The following DSC2 variants were observed in gnomAD, a reference collection of about 807,000 sequenced individuals.
DSC2 encodes desmocollin 2.
Under a neutral mutation model 87.6 loss-of-function variants are expected in DSC2, and 51 were observed. That is an observed-to-expected ratio of 0.58 (90% CI 0.46 to 0.74). The LOEUF is 0.74. DSC2 is among the 30% of genes least tolerant of loss of function. The pLI is 0.00. For synonymous variants in DSC2, 383 were observed against 393.2 expected, an observed-to-expected ratio of 0.97 and a Z score of 0.31; for missense variants, 1,066 against 1,089.5, an observed-to-expected ratio of 0.98 and a Z score of 0.30.
Position 31,102,226 on chromosome 18 carries a change from T to G in DSC2, c.-255A>C. On this transcript the variant is annotated 5_prime_UTR_variant, in exon 1 of 16. Transcript: ENST00000280904. Reference sequence around the variant, plus strand: ...GACACCGATCGGCCCCTCCTTGTTGTCTATTTAAGACTTAAGACTTCATTT... The same window carrying G: ...GACACCGATCGGCCCCTCCTTGTTGGCTATTTAAGACTTAAGACTTCATTT... 2.3e-6 allele frequency: 1 copy of G among 431,148 alleles called. No individual in the cohort carries two copies. Among genetic ancestry groups the G allele is most frequent in the South Asian group, 5.5e-5 (1 of 18,224 alleles). 26.7% of individuals were successfully genotyped at this position (431,148 alleles called of 1,614,324 possible). A position where few individuals can be genotyped will look rare whatever the true frequency, so the allele number is the denominator to read the frequency against.
At chr18:31,089,365 C>G in intron 5 of DSC2, 74 bp downstream of exon 5, 2 of 1,563,044 alleles carry the variant, frequency 1.3e-6, no homozygotes, top group Non-Finnish European at 1.8e-6. Flanking sequence ...GAAAAGGTTA[C>G]GTGAATTGCA....
At position 31,067,744 on chromosome 18, in the gene DSC2, T is replaced by C. The variant is rs991783794; in HGVS notation, c.*271A>G. 2.5e-6 allele frequency: 1 copy of C among 398,032 alleles called. No individual in the cohort carries two copies. Among genetic ancestry groups the C allele is most frequent in the Non-Finnish European group, 4.6e-6 (1 of 218,422 alleles). 24.7% of individuals were successfully genotyped at this position (398,032 alleles called of 1,614,324 possible). The stretch of plus-strand genomic sequence containing the variant: ...CACTATAAATTGGCTGTTGTCATTA[T>C]ACCCAAATGTAACAAATAAGGCAGA... On this transcript the variant is annotated 3_prime_UTR_variant, in exon 16 of 16. Transcript: ENST00000280904.
In DSC2 at chr18:31,102,093, G is replaced by A; in HGVS notation, c.-122C>T. ...TGCTCAGGAGGAGCGCGAGGCGGAG[G>A]AGGTGGGGCGCGCGGAGAGGTGCTT... On this transcript the variant is annotated 5_prime_UTR_variant, in exon 1 of 16. Transcript: ENST00000280904. The A allele has an allele frequency of 1.2e-6, 1 of 801,710 alleles. No individual in the cohort carries two copies. Among genetic ancestry groups the A allele is most frequent in the Non-Finnish European group, 1.8e-6 (1 of 560,090 alleles). 49.7% of individuals were successfully genotyped at this position (801,710 alleles called of 1,614,324 possible). A position where few individuals can be genotyped will look rare whatever the true frequency, so the allele number is the denominator to read the frequency against.
intron 15 of DSC2, chr18:31,068,480 C>G: frequency 1.0e-6 from 1 of 957,382 alleles, no homozygotes; most frequent in Middle Eastern, 3.3e-4. Context: ...CTTTCCCTTT[C>G]AAAATTTTAG....
chr18:31,070,963 G>T, intron 13 of DSC2, 113 bp from the exon 14 acceptor site: 1 of 1,316,202 alleles, frequency 7.6e-7, no homozygotes, highest in South Asian at 1.3e-5. Context: ...ATTAAAAGAA[G>T]ACAGCTTTCC....
Position 31,071,601 on chromosome 18 carries a change from T to G in DSC2, c.2125+4A>C. The G allele has an allele frequency of 6.2e-7, 1 of 1,612,970 alleles. No homozygotes were observed. The highest frequency in any genetic ancestry group is 8.5e-7 in the Non-Finnish European group (1 of 1,178,964). On this transcript the variant is annotated splice_donor_region_variant and intron_variant, in intron 13 of 15. Coordinates refer to ENST00000280904, the MANE Select transcript of DSC2 (RefSeq NM_024422.6). ...TTGAATTCAAGAAAGGACTTAAGAC[T>G]TACAAAAGAGCAATGCTATGCCCAA...
At position 31,087,659 on chromosome 18, in the gene DSC2, A is replaced by T. The variant is rs1195982784; in HGVS notation, c.775+10T>A. On this transcript the variant is annotated intron_variant, in intron 6 of 15. Transcript: ENST00000280904. Reference sequence around the variant, plus strand: ...TTAATTTGCCATATATTGTTTAAGGAGGTACTCACCCACTCTGCAATTTTC... The same window carrying T: ...TTAATTTGCCATATATTGTTTAAGGTGGTACTCACCCACTCTGCAATTTTC... The T allele has an allele frequency of 2.5e-6, 4 of 1,609,996 alleles. No homozygotes were observed. Among genetic ancestry groups the T allele is most frequent in the Non-Finnish European group, 3.4e-6 (4 of 1,178,996 alleles).
rs114579898 is a variant in DSC2 at position 31,080,032 on chromosome 18, C to T, written c.1521-43G>A. Reference sequence around the variant, plus strand: ...TTAAAATAATAAAATTTATCATATGCTAAATTATAATAACGTAACAAAATA... The same window carrying T: ...TTAAAATAATAAAATTTATCATATGTTAAATTATAATAACGTAACAAAATA... On this transcript the variant is annotated intron_variant, in intron 10 of 15. Transcript: ENST00000280904. 6.8e-4 allele frequency: 1,100 copies of T among 1,609,088 alleles called. 8 individuals are homozygous for T. In the African/African-American group the frequency reaches 0.013, roughly 19 times the overall value.
At position 31,061,644 on chromosome 18, in the gene DSC2, T is replaced by C. The variant is rs914314820; in HGVS notation, c.*6371A>G. 4 of 151,694 alleles carry C rather than the reference T, an allele frequency of 2.6e-5. No homozygotes were observed. 9.4% of individuals were successfully genotyped at this position (151,694 alleles called of 1,614,324 possible). ...AAAGCTCTAGCTTCTTTTTGTTGCC[T>C]GTTTTTTAGCATTATGCTCTTTTGT... On this transcript the variant is annotated 3_prime_UTR_variant, in exon 16 of 16. Coordinates refer to ENST00000280904, the MANE Select transcript of DSC2 (RefSeq NM_024422.6).
Position 31,069,003 on chromosome 18 carries a change from GC to G in DSC2, c.2398del (p.Ala800LeufsTer56), listed in dbSNP as rs397517399. 6 of 1,614,008 alleles carry G rather than the reference GC, an allele frequency of 3.7e-6. No homozygotes were observed. Among genetic ancestry groups the G allele is most frequent in the Non-Finnish European group, 4.2e-6 (5 of 1,179,980 alleles). The part of the protein sequence containing the change: ...GHQTSESCRG[A>X]GHHHTLDSCR... ...GGAGTCCAGGGTGTGATGGTGGCCAGCCCCCCGGCAGGATTCCGAGGTCTGG... is the reference window on the plus strand; with the variant it reads ...GGAGTCCAGGGTGTGATGGTGGCCAGCCCCCGGCAGGATTCCGAGGTCTGG... On this transcript the variant is annotated frameshift_variant, in exon 15 of 16. Transcript: ENST00000280904. LOFTEE classifies it high-confidence loss of function.
At chr18:31,073,157 A>C (rs192104854) in intron 12 of DSC2, among the ~76,000 whole-genome samples, 2 of 152,302 alleles carry the variant, frequency 1.3e-5, no homozygotes, top group Admixed American at 6.5e-5. Flanking sequence ...AGACAAGTAC[A>C]TCTTTAAAAT....
At chr18:31,070,657 A>G in intron 14 of DSC2, 69 bp downstream of exon 14, 1 of 1,604,338 alleles carries the variant, frequency 6.2e-7, no homozygotes, top group Non-Finnish European at 8.5e-7. Flanking sequence ...AGAAAAGATC[A>G]TTTTAGAAGG....
At position 31,089,460 on chromosome 18, in the gene DSC2, A is replaced by G; in HGVS notation, c.609T>C (p.Arg203=). The G allele has an allele frequency of 1.2e-6, 2 of 1,613,884 alleles. No homozygotes were observed. The highest frequency in any genetic ancestry group is 2.2e-5 in the South Asian group (2 of 91,084). ...GNLYCTRPVD[R]EQYESFEIIA... is the part of the protein sequence containing the mutation. ...TTACCTCAAAAGATTCATACTGCTC[A>G]CGATCTACAGGACGAGTACAATACA... is the stretch of plus-strand genomic sequence containing the variant. Residue 203 remains arginine (R), a synonymous_variant, in exon 5 of 16, where the codon CGT becomes CGC. Transcript: ENST00000280904.
At chr18:31,098,362 T>C (rs1987829316) in intron 1 of DSC2, among the ~76,000 whole-genome samples, 1 of 152,190 alleles carries the variant, frequency 6.6e-6, no homozygotes, top group African/African-American at 2.4e-5. Flanking sequence ...TACACCAATA[T>C]ATATATCCTC....
chr18:31,096,750 A>C (rs908225063), intron 1 of DSC2, among the ~76,000 whole-genome samples: 16 of 152,206 alleles, frequency 1.1e-4, no homozygotes, highest in Admixed American at 5.2e-4. Context: ...GGAAAACACT[A>C]GAAGCAATCC....
At chr18:31,101,328 G>A (rs1414256731) in intron 1 of DSC2, 7 of 940,362 alleles carry the variant, frequency 7.4e-6, no homozygotes, top group Admixed American at 6.6e-5. Flanking sequence ...CCAGAAAGGC[G>A]AGCAGTTCCC....
At chr18:31,087,643 C>A in intron 6 of DSC2, 26 bp downstream of exon 6, 1 of 1,605,202 alleles carries the variant, frequency 6.2e-7, no homozygotes, top group South Asian at 1.1e-5. Flanking sequence ...GTTAATTTGC[C>A]ATATATTGTT....
chr18:31,093,641 G>C lies in DSC2; in HGVS notation c.72C>G (p.Ile24Met), dbSNP rs757826575. 6.4e-7 allele frequency: 1 copy of C among 1,569,428 alleles called. No homozygotes were observed. Among genetic ancestry groups the C allele is most frequent in the Non-Finnish European group, 8.7e-7 (1 of 1,153,336 alleles). Residue 24 changes from isoleucine to methionine, a missense_variant and splice_region_variant, in exon 2 of 16, where the codon ATC becomes ATG. Physicochemically the swap from Ile to Met is conservative, Grantham distance 10. Transcript: ENST00000280904. ...TGCAGGCATCACTGGCAAATATTAAGATCTAAAAAATGAAAAAAAATCAAA... is the reference window on the plus strand; with the variant it reads ...TGCAGGCATCACTGGCAAATATTAACATCTAAAAAATGAAAAAAAATCAAA... ...LCRLLLLTLAILIFASDACKN... is the reference protein window; with the variant it reads ...LCRLLLLTLAMLIFASDACKN...
intron 11 of DSC2, among the ~76,000 whole-genome samples, chr18:31,078,929 C>T (rs1035095393): frequency 6.6e-6 from 1 of 152,076 alleles, no homozygotes; most frequent in Non-Finnish European, 1.5e-5. Flanking sequence ...TTATAGAATG[C>T]ACAGAACATA....
Sources: gnomAD v4.1 joint callset for allele counts (sites outside exome capture counted in the v4.1 genomes callset) on GRCh38, gnomAD v4.1.1 for gene constraint, MANE v1.5 for transcripts, NCBI Gene and HGNC (gene_info 2026-07-23, HGNC 2026-07-21) for gene names.